NFASC: variants seen among roughly 807,000 people sequenced by gnomAD.
NFASC encodes the protein neurofascin, also known as neurofascin homolog.
In NFASC, 43 loss-of-function variants were observed where a neutral mutation model predicts 147.5. The ratio of observed to expected loss-of-function variants is 0.29; its 90% CI spans 0.23 to 0.38. The LOEUF is 0.38. Ranked by LOEUF, NFASC falls within the 10% of genes least tolerant of loss-of-function variation. The probability of loss-of-function intolerance (pLI) is 1.00; values close to 1 mark genes in which losing one functional copy is unlikely to be tolerated. For missense variants in NFASC, 1,320 were observed against 1,689.0 expected, an observed-to-expected ratio of 0.78 and a Z score of 3.83; for synonymous variants, 622 against 665.5, an observed-to-expected ratio of 0.93 and a Z score of 1.01.
chr1:204,933,719 T>C (rs912480659), intron 2 of NFASC, among the ~76,000 whole-genome samples: 3 of 147,656 alleles, frequency 2.0e-5, no homozygotes, highest in Non-Finnish European at 4.5e-5. Flanking sequence ...TAGAGGAGCA[T>C]GAGGAGTGAA....
At chr1:204,877,068 T>TTATATATATATAATATATTTATTTATATA (rs1558550228) in intron 1 of NFASC, among the ~76,000 whole-genome samples, 4 of 93,766 alleles carry the variant, frequency 4.3e-5, no homozygotes, top group African/African-American at 2.1e-4. Context: ...ATTTATATAT[T>TTATATATATATAATATATTTATTTATATA]TATATATATA....
chr1:205,003,958 G>A (rs1307076069), intron 27 of NFASC, among the ~76,000 whole-genome samples: 1 of 152,200 alleles, frequency 6.6e-6, no homozygotes, highest in South Asian at 2.1e-4. Flanking sequence ...CCCTGATTGA[G>A]GCTAGCCAGG....
Position 204,954,910 on chromosome 1 carries a change from C to G in NFASC, c.494C>G (p.Pro165Arg), listed in dbSNP as rs759387382. The change falls in exon 7 of 30, where the codon CCG becomes CGG. Residue 165 changes from proline (P) to arginine (R), a missense_variant. This residue lies in a region of NFASC where 981 missense variants were observed against 1,289.5 expected (regional missense o/e 0.76). Transcript: ENST00000339876. The surrounding 1 kb of genome is among the most constrained non-coding windows in gnomAD (Gnocchi z 5.7). Reference sequence around the variant, plus strand: ...CCTTTGACGCTCCAGTGCAACCCCCCGCCTGGACTTCCATCCCCGGTCATC... The same window carrying G: ...CCTTTGACGCTCCAGTGCAACCCCCGGCCTGGACTTCCATCCCCGGTCATC... ...GAPLTLQCNP[P>R]PGLPSPVIFW... is the part of the protein sequence containing the mutation. 2 of 1,614,014 alleles carry G rather than the reference C, an allele frequency of 1.2e-6. No individual in the cohort carries two copies. Among genetic ancestry groups the G allele is most frequent in the Non-Finnish European group, 1.7e-6 (2 of 1,180,024 alleles).
At chr1:204,911,904 G>A (rs1233312635) in intron 1 of NFASC, among the ~76,000 whole-genome samples, 1 of 152,164 alleles carries the variant, frequency 6.6e-6, no homozygotes, top group Admixed American at 6.5e-5. Flanking sequence ...TAAAAGTTAT[G>A]TGTGTAGAGT....
chr1:205,002,574 G>T, intron 26 of NFASC, 22 bp from the exon 27 acceptor site: 1 of 1,461,434 alleles, frequency 6.8e-7, no homozygotes, highest in Non-Finnish European at 9.2e-7. Context: ...GCTCTAGGCT[G>T]ATTGAGGTTT....
chr1:204,953,214 G>A (rs915123850), intron 5 of NFASC, among the ~76,000 whole-genome samples: 10 of 152,212 alleles, frequency 6.6e-5, no homozygotes, highest in African/African-American at 2.4e-4. Context: ...GAGCAGAGGG[G>A]GCCATTCTAG....
chr1:204,975,223 G>A lies in NFASC; in HGVS notation c.1559-48G>A. On this transcript the variant is annotated intron_variant, in intron 14 of 29. Coordinates refer to ENST00000339876, the MANE Select transcript of NFASC (RefSeq NM_001005388.3). The surrounding 1 kb of genome is among the most constrained non-coding windows in gnomAD (Gnocchi z 4.0). ...TGCCACTTTGTGGCCGCATGGGGAT[G>A]CTGGGCAGAGAACAGGCCAGTGGCG... The A allele has an allele frequency of 6.4e-7, 1 of 1,561,588 alleles. No homozygotes were observed.
chr1:204,872,763 C>T (rs912467985), intron 1 of NFASC, among the ~76,000 whole-genome samples: 1 of 152,128 alleles, frequency 6.6e-6, no homozygotes, highest in African/African-American at 2.4e-5. Flanking sequence ...AGATGGCCTC[C>T]CCCAGTGATG....
chr1:204,843,760 G>A (rs966663867), intron 1 of NFASC, among the ~76,000 whole-genome samples: 6 of 151,406 alleles, frequency 4.0e-5, no homozygotes, highest in African/African-American at 9.7e-5. Flanking sequence ...AGGCTGAAGT[G>A]CAAAGGGGTG....
chr1:204,990,603 G>GCT (rs967761662), intron 23 of NFASC: 4 of 151,908 alleles, frequency 2.6e-5, no homozygotes, highest in Admixed American at 2.6e-4. Context: ...AAAAGAAAGG[G>GCT]CTCTCAGTCC....
intron 1 of NFASC, among the ~76,000 whole-genome samples, chr1:204,906,109 A>T (rs992945794): frequency 3.9e-5 from 6 of 152,244 alleles, no homozygotes; most frequent in African/African-American, 1.4e-4. Flanking sequence ...AAATATTTAA[A>T]AATATTTTTA....
intron 20 of NFASC, among the ~76,000 whole-genome samples, 168 bp downstream of exon 20, chr1:204,980,608 A>T (rs530470420): frequency 2.0e-5 from 3 of 152,182 alleles, no homozygotes; most frequent in Admixed American, 6.5e-5. Flanking sequence ...TGAGTTGGGC[A>T]TCCAGAAACC....
intron 1 of NFASC, among the ~76,000 whole-genome samples, chr1:204,870,333 G>C (rs191728528): frequency 3.3e-5 from 5 of 152,324 alleles, no homozygotes; most frequent in Admixed American, 2.6e-4. Context: ...CCATTGTTCT[G>C]TGCGGGAGCC....
chr1:205,005,817 C>G (rs925385249), intron 27 of NFASC, among the ~76,000 whole-genome samples: 2 of 152,208 alleles, frequency 1.3e-5, no homozygotes, highest in Non-Finnish European at 2.9e-5. Flanking sequence ...ACAGGAAATT[C>G]TTTCACCTTT....
chr1:204,930,720 G>A (rs1353156830), intron 2 of NFASC, among the ~76,000 whole-genome samples: 1 of 152,260 alleles, frequency 6.6e-6, no homozygotes, highest in East Asian at 1.9e-4. Context: ...TTGTGGAGGG[G>A]TGGCCCACTT....
chr1:204,857,243 C>G (rs180780222), intron 1 of NFASC, among the ~76,000 whole-genome samples: 1 of 152,356 alleles, frequency 6.6e-6, no homozygotes, highest in East Asian at 1.9e-4. Context: ...GAACTCAGCA[C>G]AGCAGGTGCC....
At chr1:204,930,774 G>T (rs2092296940) in intron 2 of NFASC, among the ~76,000 whole-genome samples, 1 of 152,260 alleles carries the variant, frequency 6.6e-6, no homozygotes, top group Admixed American at 6.5e-5. Context: ...AGAAGGAAGA[G>T]AATAGCATTT....
At chr1:204,860,224 C>G (rs1160023538) in intron 1 of NFASC, among the ~76,000 whole-genome samples, 1 of 152,220 alleles carries the variant, frequency 6.6e-6, no homozygotes, top group Non-Finnish European at 1.5e-5. Context: ...AGAAAACTAG[C>G]TGTATTGGAA....
chr1:204,997,252 C>G lies in NFASC; in HGVS notation c.2865C>G (p.Thr955=). ...ATGCTACTGCCATTGCTGCCACCAC[C>G]GAAGCCACAACAGTCCCCATCATCC... is the stretch of plus-strand genomic sequence containing the variant. ...STDATAIAAT[T]EATTVPIIPT... The change falls in exon 25 of 30, where the codon ACC becomes ACG. Residue 955 remains threonine (T), a synonymous_variant. Transcript: ENST00000339876. 1 of 1,613,542 alleles carries G rather than the reference C, an allele frequency of 6.2e-7. No individual in the cohort carries two copies. The highest frequency in any genetic ancestry group is 8.5e-7 in the Non-Finnish European group (1 of 1,179,796).
Sources: gnomAD v4.1 joint callset for allele counts (sites outside exome capture counted in the v4.1 genomes callset) on GRCh38, gnomAD v4.1.1 for gene constraint, gnomAD v4.1.1 regional missense constraint, Gnocchi (gnomAD v3.1) non-coding constraint, MANE v1.5 for transcripts, NCBI Gene and HGNC (gene_info 2026-07-23, HGNC 2026-07-21) for gene names.